TENM2: variants seen among roughly 807,000 people sequenced by gnomAD.
The protein encoded by TENM2 is teneurin transmembrane protein 2, also known as teneurin-2.
In TENM2, 52 loss-of-function variants were observed where a neutral mutation model predicts 245.2. That is an observed-to-expected ratio of 0.21 (90% CI 0.17 to 0.27). TENM2 has a LOEUF of 0.27. Ranked by LOEUF, TENM2 falls within the 10% of genes least tolerant of loss-of-function variation. The pLI is 1.00. For synonymous variants in TENM2, 1,363 were observed against 1,438.9 expected, an observed-to-expected ratio of 0.95 and a Z score of 1.19; for missense variants, 3,046 against 3,666.8, an observed-to-expected ratio of 0.83 and a Z score of 4.37.
the TENM2 span, among the ~76,000 whole-genome samples, chr5:167,122,086 C>A: frequency 2.0e-5 from 3 of 151,994 alleles, no homozygotes; most frequent in East Asian, 5.8e-4. Context: ...GATTTCTGCC[C>A]GTAGTATTGC....
the TENM2 span, among the ~76,000 whole-genome samples, chr5:167,064,803 G>T: frequency 6.6e-6 from 1 of 152,084 alleles, no homozygotes; most frequent in African/African-American, 2.4e-5. Flanking sequence ...ATTACAAATA[G>T]TAACAAAAAA....
rs186026502 is a variant in TENM2, at chr5:167,938,815, C to T, written c.713-13773C>T. On this transcript the variant is annotated intron_variant, in intron 3 of 28. Transcript: ENST00000518659. Reference sequence around the variant, plus strand: ...AAAATTAGCCGGGTGTGGTGGCATGCGCCTGCAGTCCCAGCTACTTGGGAG... The same window carrying T: ...AAAATTAGCCGGGTGTGGTGGCATGTGCCTGCAGTCCCAGCTACTTGGGAG... Among the ~76,000 whole-genome samples the T allele has an allele frequency of 9.3e-3, 1,414 of 152,094 alleles. 18 individuals are homozygous for T. The highest frequency in any genetic ancestry group is 9.7e-3 in the Non-Finnish European group (663 of 68,004).
chr5:166,996,847 G>T, the TENM2 span, among the ~76,000 whole-genome samples: 18 of 152,280 alleles, frequency 1.2e-4, no homozygotes, highest in Middle Eastern at 3.4e-3. Flanking sequence ...TGGGGTCTTA[G>T]ATTTGAATTT....
At chr5:167,875,387 G>A (rs1773334051) in intron 2 of TENM2, among the ~76,000 whole-genome samples, 1 of 152,138 alleles carries the variant, frequency 6.6e-6, no homozygotes, top group African/African-American at 2.4e-5. Context: ...AGAATAAGGG[G>A]CCACGTGGAA....
intron 2 of TENM2, among the ~76,000 whole-genome samples, chr5:167,615,673 C>T (rs920013539): frequency 9.2e-5 from 14 of 151,916 alleles, no homozygotes; most frequent in African/African-American, 2.9e-4. Context: ...ATTCAATAAA[C>T]AGTCAGAATA....
chr5:167,062,501 T>C, the TENM2 span, among the ~76,000 whole-genome samples: 1 of 80,616 alleles, frequency 1.2e-5, no homozygotes, highest in African/African-American at 1.4e-4. Flanking sequence ...AGAATACACA[T>C]TGAAAAAAAA....
chr5:167,111,088 T>C, the TENM2 span, among the ~76,000 whole-genome samples: 1 of 152,212 alleles, frequency 6.6e-6, no homozygotes, highest in Non-Finnish European at 1.5e-5. Context: ...ACTGAATTTA[T>C]ATTTTCTTGG....
intron 2 of TENM2, among the ~76,000 whole-genome samples, chr5:167,522,507 C>G (rs1191046318): frequency 1.3e-5 from 2 of 151,712 alleles, no homozygotes; most frequent in Non-Finnish European, 2.9e-5. Context: ...GTCTTTTTTT[C>G]CCATTTGTGA....
intron 13 of TENM2, among the ~76,000 whole-genome samples, chr5:168,180,043 G>A (rs927640013): frequency 6.6e-6 from 1 of 152,174 alleles, no homozygotes; most frequent in Admixed American, 6.5e-5. Context: ...TGATATGCTA[G>A]TAGTACCGAC....
chr5:168,211,977 G>A (rs567679215), intron 20 of TENM2, among the ~76,000 whole-genome samples: 6 of 152,222 alleles, frequency 3.9e-5, no homozygotes, highest in African/African-American at 4.8e-5. Context: ...TAGAATTTCC[G>A]GGAGATTCAA....
the TENM2 span, among the ~76,000 whole-genome samples, chr5:167,121,960 T>A: frequency 6.6e-6 from 1 of 152,198 alleles, no homozygotes; most frequent in African/African-American, 2.4e-5. Context: ...TCAAAAAAGA[T>A]TGCGAAGCTC....
At chr5:167,358,692 T>C (rs1759501957) in intron 1 of TENM2, among the ~76,000 whole-genome samples, 1 of 151,802 alleles carries the variant, frequency 6.6e-6, no homozygotes, top group Non-Finnish European at 1.5e-5. Context: ...CCCAAATCTG[T>C]ATCTCGTATA....
At chr5:167,045,692 A>G in the TENM2 span, among the ~76,000 whole-genome samples, 1 of 152,228 alleles carries the variant, frequency 6.6e-6, no homozygotes, top group Non-Finnish European at 1.5e-5. Context: ...TATCCAGTTT[A>G]TTCACTCAAC....
intron 2 of TENM2, among the ~76,000 whole-genome samples, chr5:167,737,587 G>A (rs187441353): frequency 6.6e-6 from 1 of 152,282 alleles, no homozygotes; most frequent in East Asian, 1.9e-4. Flanking sequence ...GGGGTATGCA[G>A]CCCTCTGGAG....
At chr5:167,255,618 C>T in the TENM2 span, among the ~76,000 whole-genome samples, 2 of 151,950 alleles carry the variant, frequency 1.3e-5, no homozygotes, top group Admixed American at 6.6e-5. Context: ...ACGTAGATTT[C>T]GATTTTTTGT....
chr5:167,532,288 GCT>G (rs201584195), intron 2 of TENM2, among the ~76,000 whole-genome samples: 18 of 148,530 alleles, frequency 1.2e-4, no homozygotes, highest in South Asian at 2.2e-4. Context: ...TGTCATGCAT[GCT>G]CTCTCTCTCT....
chr5:167,594,339 A>G (rs1776062073), intron 2 of TENM2, among the ~76,000 whole-genome samples: 1 of 152,198 alleles, frequency 6.6e-6, no homozygotes, highest in African/African-American at 2.4e-5. Context: ...GAGAAAGCAC[A>G]TGGTATTTTA....
chr5:168,120,839 A>G (rs1160425989), intron 10 of TENM2, among the ~76,000 whole-genome samples: 1 of 152,264 alleles, frequency 6.6e-6, no homozygotes, highest in Non-Finnish European at 1.5e-5. Flanking sequence ...GGCCATGGCA[A>G]TGAAATCAAT....
At chr5:167,371,592 C>T (rs1171691360) in intron 1 of TENM2, among the ~76,000 whole-genome samples, 1 of 151,950 alleles carries the variant, frequency 6.6e-6, no homozygotes, top group Non-Finnish European at 1.5e-5. Flanking sequence ...AACTCTTGAC[C>T]TCAGGTGATC....
Sources: allele counts gnomAD v4.1 joint callset (sites outside exome capture counted in the v4.1 genomes callset), GRCh38; gene constraint gnomAD v4.1.1; transcripts MANE v1.5; gene names NCBI Gene and HGNC (gene_info 2026-07-23, HGNC 2026-07-21).